The following MAN2A1 variants were observed in gnomAD, a reference collection of about 807,000 sequenced individuals.
MAN2A1 encodes alpha-mannosidase 2.
In MAN2A1, 76 loss-of-function variants were observed where a neutral mutation model predicts 142.6. The observed-to-expected ratio is 0.53, with a 90% CI of 0.44 to 0.65. MAN2A1 has a LOEUF of 0.65. MAN2A1 is among the 30% of genes least tolerant of loss of function. MAN2A1 has a pLI of 0.00. For synonymous variants in MAN2A1, 559 were observed against 473.2 expected, an observed-to-expected ratio of 1.18 and a Z score of -2.35; for missense variants, 1,311 against 1,365.1, an observed-to-expected ratio of 0.96 and a Z score of 0.62.
chr5:109,760,975 G>A (rs1752827215), intron 5 of MAN2A1, among the ~76,000 whole-genome samples: 1 of 151,652 alleles, frequency 6.6e-6, no homozygotes, highest in Non-Finnish European at 1.5e-5. Flanking sequence ...TCACATATAT[G>A]CTATATGAAT....
chr5:109,746,682 C>T (rs929740212), intron 4 of MAN2A1, among the ~76,000 whole-genome samples: 18 of 148,460 alleles, frequency 1.2e-4, no homozygotes, highest in Middle Eastern at 3.5e-3. Flanking sequence ...ACAACATTTA[C>T]ATCATTGTGC....
Position 109,716,098 on chromosome 5 carries a change from T to G in MAN2A1, c.391-22T>G, listed in dbSNP as rs1461559530. 16 of 1,542,426 alleles carry G rather than the reference T, an allele frequency of 1.0e-5. No homozygotes were observed. The Admixed American group carries it at 1.5e-4, about 14-fold the overall frequency. On this transcript the variant is annotated intron_variant, in intron 2 of 21. Coordinates refer to ENST00000261483, the MANE Select transcript of MAN2A1 (RefSeq NM_002372.4). ...AAATTAATAATTGTTAAACTTTAAT[T>G]TTTTTTCTTTTACATTTTTAGATGT...
chr5:109,771,561 G>A (rs1015421505), intron 7 of MAN2A1, among the ~76,000 whole-genome samples: 6 of 152,222 alleles, frequency 3.9e-5, no homozygotes, highest in African/African-American at 1.2e-4. Context: ...CCAAGGTTAG[G>A]GATTGACTTG....
At chr5:109,845,795 C>A in intron 17 of MAN2A1, 70 bp from the exon 18 acceptor site, 2 of 1,220,734 alleles carry the variant, frequency 1.6e-6, no homozygotes, top group Non-Finnish European at 2.2e-6. Context: ...GAAAAATCAC[C>A]TGTCCTCAAG....
At chr5:109,712,951 A>G (rs778538980) in intron 1 of MAN2A1, among the ~76,000 whole-genome samples, 3 of 152,360 alleles carry the variant, frequency 2.0e-5, no homozygotes, top group Non-Finnish European at 4.4e-5. Flanking sequence ...TAAGACACAC[A>G]GTATAGCAAA....
chr5:109,719,972 A>C (rs1283089073), intron 3 of MAN2A1, among the ~76,000 whole-genome samples: 1 of 152,204 alleles, frequency 6.6e-6, no homozygotes, highest in South Asian at 2.1e-4. Flanking sequence ...TATGCTTTTG[A>C]AAGTTTTGAA....
intron 3 of MAN2A1, among the ~76,000 whole-genome samples, chr5:109,716,653 T>C (rs866584164): frequency 3.3e-5 from 5 of 152,336 alleles, no homozygotes; most frequent in Non-Finnish European, 5.9e-5. Context: ...GTTTGAATCT[T>C]TAAAATAAAG....
chr5:109,698,487 G>C (rs1052728375), intron 1 of MAN2A1, among the ~76,000 whole-genome samples: 1 of 152,054 alleles, frequency 6.6e-6, no homozygotes, highest in African/African-American at 2.4e-5. Flanking sequence ...CAAAATGGGG[G>C]TAATGCGTCT....
chr5:109,744,026 A>T (rs1483997875), intron 4 of MAN2A1, among the ~76,000 whole-genome samples: 1 of 151,894 alleles, frequency 6.6e-6, no homozygotes, highest in Non-Finnish European at 1.5e-5. Context: ...TTCAGCTTGG[A>T]TTTTTATTTT....
At chr5:109,715,840 G>C (rs1208384108) in intron 2 of MAN2A1, among the ~76,000 whole-genome samples, 1 of 151,826 alleles carries the variant, frequency 6.6e-6, no homozygotes, top group Non-Finnish European at 1.5e-5. Flanking sequence ...AATTGTTTTG[G>C]AAGTAAAGTA....
chr5:109,825,900 C>CTTTTTTTTT (rs869069525), intron 16 of MAN2A1, among the ~76,000 whole-genome samples: 4 of 92,184 alleles, frequency 4.3e-5, no homozygotes, highest in African/African-American at 8.0e-5. Flanking sequence ...TCTTTCCTTC[C>CTTTTTTTTT]TTTTTTTTTT....
intron 4 of MAN2A1, among the ~76,000 whole-genome samples, chr5:109,749,766 T>A (rs79592741): frequency 6.6e-6 from 1 of 152,218 alleles, no homozygotes; most frequent in Admixed American, 6.5e-5. Context: ...ATGTTTTTAA[T>A]TAACTTTCTC....
chr5:109,723,000 A>G (rs1751647575), intron 3 of MAN2A1, among the ~76,000 whole-genome samples: 1 of 152,182 alleles, frequency 6.6e-6, no homozygotes, highest in Non-Finnish European at 1.5e-5. Flanking sequence ...GCACAGATTT[A>G]GAAATTATCT....
rs552054208 is a variant in MAN2A1, at chr5:109,823,532, AT to A, written c.2452-186del. The stretch of plus-strand genomic sequence containing the variant: ...AACATTTTTATTTCCTATTTTCAGC[AT>A]TTTTAAAAATAAAAAACACGTTCAG... On this transcript the variant is annotated intron_variant, in intron 15 of 21. Coordinates refer to ENST00000261483, the MANE Select transcript of MAN2A1 (RefSeq NM_002372.4). 4.1e-4 allele frequency among the ~76,000 whole-genome samples: 63 copies of A among 152,310 alleles called. 1 individual carries two copies. Among genetic ancestry groups the A allele is most frequent in the Middle Eastern group, 6.8e-3 (2 of 294 alleles).
intron 15 of MAN2A1, among the ~76,000 whole-genome samples, chr5:109,822,720 C>G (rs1212332707): frequency 2.6e-5 from 4 of 152,044 alleles, no homozygotes; most frequent in African/African-American, 9.7e-5. Flanking sequence ...CACTTTCACC[C>G]AGGCTGGAAT....
At chr5:109,723,666 A>G (rs778672571) in intron 3 of MAN2A1, among the ~76,000 whole-genome samples, 2 of 152,200 alleles carry the variant, frequency 1.3e-5, no homozygotes, top group Non-Finnish European at 2.9e-5. Context: ...AGTTCTCTGT[A>G]AGAAACAGGA....
chr5:109,704,253 A>G (rs918139926), intron 1 of MAN2A1, among the ~76,000 whole-genome samples: 10 of 152,228 alleles, frequency 6.6e-5, no homozygotes, highest in Non-Finnish European at 2.9e-5. Context: ...TGTTACTGTC[A>G]TACCTAGGCA....
rs972081349 is a variant in MAN2A1 at position 109,729,250 on chromosome 5, T to G, written c.536-92T>G. 4.2e-5 allele frequency: 31 copies of G among 737,962 alleles called. No homozygotes were observed. The South Asian group carries it at 6.5e-4, about 15-fold the overall frequency. 45.7% of individuals were successfully genotyped at this position (737,962 alleles called of 1,614,324 possible). On this transcript the variant is annotated intron_variant, in intron 3 of 21. Coordinates refer to ENST00000261483, the MANE Select transcript of MAN2A1 (RefSeq NM_002372.4). ...AAAATATGTCTATGAATGAAAATTC[T>G]AACGATGTCCAAAGTAATGCAATGG... is the stretch of plus-strand genomic sequence containing the variant.
At chr5:109,749,317 G>A (rs1208048294) in intron 4 of MAN2A1, among the ~76,000 whole-genome samples, 1 of 152,126 alleles carries the variant, frequency 6.6e-6, no homozygotes, top group Admixed American at 6.6e-5. Flanking sequence ...GCAGCTTGTT[G>A]TGCTTTGCAG....
Sources: allele counts gnomAD v4.1 joint callset (sites outside exome capture counted in the v4.1 genomes callset), GRCh38; gene constraint gnomAD v4.1.1; transcripts MANE v1.5; gene names NCBI Gene and HGNC (gene_info 2026-07-23, HGNC 2026-07-21).